BIVM: variants seen among roughly 807,000 people sequenced by gnomAD.
The protein encoded by BIVM is basic, immunoglobulin-like variable motif containing, also known as basic immunoglobulin-like variable motif-containing protein.
BIVM carries 31 observed loss-of-function variants against 61.4 expected under a neutral mutation model. That is an observed-to-expected ratio of 0.51 (90% CI 0.38 to 0.68). The LOEUF (loss-of-function observed/expected upper bound fraction) is 0.68. Among genes scored for constraint, BIVM ranks in the 30% least tolerant of loss-of-function variants. The pLI is 0.00. For missense variants in BIVM, 526 were observed against 596.0 expected, an observed-to-expected ratio of 0.88 and a Z score of 1.22; for synonymous variants, 189 against 210.7, an observed-to-expected ratio of 0.90 and a Z score of 0.89.
At chr13:102,834,905 G>A (rs980788237) in intron 9 of BIVM, among the ~76,000 whole-genome samples, 2 of 152,078 alleles carry the variant, frequency 1.3e-5, no homozygotes, top group African/African-American at 2.4e-5. Flanking sequence ...TTTTTTTATT[G>A]CTGAGTAGTA....
chr13:102,811,035 A>C (rs931690467), intron 3 of BIVM, among the ~76,000 whole-genome samples: 1 of 152,220 alleles, frequency 6.6e-6, no homozygotes, highest in African/African-American at 2.4e-5. Flanking sequence ...CTGGCCTACT[A>C]CTAGCTTTTA....
chr13:102,826,292 T>C (rs888518514), intron 7 of BIVM, among the ~76,000 whole-genome samples: 1 of 152,220 alleles, frequency 6.6e-6, no homozygotes, highest in Non-Finnish European at 1.5e-5. Flanking sequence ...GTGCTAGATC[T>C]GCCCTGCTTT....
Position 102,834,570 on chromosome 13 carries a change from T to A in BIVM, c.1121+18T>A. 2 of 1,562,670 alleles carry A rather than the reference T, an allele frequency of 1.3e-6. No individual in the cohort carries two copies. The highest frequency in any genetic ancestry group is 1.7e-6 in the Non-Finnish European group (2 of 1,161,882). Reference sequence around the variant, plus strand: ...TGTAAAAAGTATGTTAACTTCCCTTTATTTTCTTTAATTGAGGTAACATTT... The same window carrying A: ...TGTAAAAAGTATGTTAACTTCCCTTAATTTTCTTTAATTGAGGTAACATTT... On this transcript the variant is annotated intron_variant, in intron 9 of 10. Coordinates refer to ENST00000257336, the MANE Select transcript of BIVM (RefSeq NM_017693.4).
rs199598039 is a variant in BIVM, at chr13:102,807,608, C to G, written c.341C>G (p.Thr114Ser). 6.7e-5 allele frequency: 108 copies of G among 1,614,056 alleles called. No individual in the cohort carries two copies. The highest frequency in any genetic ancestry group is 2.4e-4 in the South Asian group (22 of 91,092). ...NNSSRYIGIP[T>S]STSEIIYNEE... ...TCATCAAGATACATTGGTATCCCGACTAGTACATCGGAAATTATCTACAAT... is the reference window on the plus strand; with the variant it reads ...TCATCAAGATACATTGGTATCCCGAGTAGTACATCGGAAATTATCTACAAT... Residue 114 changes from threonine (T) to serine (S), a missense_variant, in exon 3 of 11, where the codon ACT becomes AGT. Transcript: ENST00000257336. The surrounding 1 kb of genome is among the most constrained non-coding windows in gnomAD (Gnocchi z 4.0).
At chr13:102,810,493 G>GTAA (rs1879423891) in intron 3 of BIVM, among the ~76,000 whole-genome samples, 1 of 152,198 alleles carries the variant, frequency 6.6e-6, no homozygotes, top group South Asian at 2.1e-4. Context: ...TACATTTGAA[G>GTAA]TAATCACTGA....
At chr13:102,838,066 A>C (rs919506323) in intron 9 of BIVM, among the ~76,000 whole-genome samples, 4 of 152,218 alleles carry the variant, frequency 2.6e-5, no homozygotes, top group Non-Finnish European at 5.9e-5. Flanking sequence ...CTTAAAAAAG[A>C]TATTGCAATA....
In BIVM at chr13:102,821,743, C is replaced by A. The variant is rs377757672; in HGVS notation, c.702C>A (p.Asn234Lys). Reference protein sequence around the residue: ...NFLYSTMGAGNLPPITQEEAL... With the variant: ...NFLYSTMGAGKLPPITQEEAL... ...AAGGCAATGAATGTTTCTTTTGTAG[C>A]CTTCCACCTATTACCCAAGAAGAAG... Residue 234 changes from asparagine to lysine, a missense_variant and splice_region_variant, in exon 6 of 11, where the codon AAC becomes AAA. Physicochemically the swap from Asn to Lys is moderately conservative, Grantham distance 94. Transcript: ENST00000257336. The A allele has an allele frequency of 1.2e-4, 194 of 1,611,990 alleles. No individual in the cohort carries two copies. Among genetic ancestry groups the A allele is most frequent in the Non-Finnish European group, 1.5e-4 (175 of 1,179,454 alleles).
chr13:102,835,647 C>T (rs7329037), intron 9 of BIVM, among the ~76,000 whole-genome samples: 56,388 of 152,048 alleles, frequency 0.37, 11,649 homozygotes, highest in Non-Finnish European at 0.48. Context: ...ATTCTCCTGC[C>T]GTAGCCTCCT....
chr13:102,818,809 G>C (rs1333966184), intron 4 of BIVM, among the ~76,000 whole-genome samples: 1 of 152,152 alleles, frequency 6.6e-6, no homozygotes, highest in Non-Finnish European at 1.5e-5. Flanking sequence ...TGATGAAAAA[G>C]TATGAAAAAT....
chr13:102,810,007 T>C (rs913331006), intron 3 of BIVM, among the ~76,000 whole-genome samples: 1 of 152,120 alleles, frequency 6.6e-6, no homozygotes, highest in Admixed American at 6.5e-5. Flanking sequence ...CCTCCTGACC[T>C]CGTGATCCGC....
intron 10 of BIVM, 74 bp from the exon 11 acceptor site, chr13:102,839,498 A>C (rs1346137790): frequency 6.5e-7 from 1 of 1,545,074 alleles, no homozygotes; most frequent in East Asian, 2.2e-5. Context: ...GAAAGAAGGG[A>C]GTTCATAGGG....
intron 1 of BIVM, among the ~76,000 whole-genome samples, chr13:102,801,155 C>T (rs142247440): frequency 6.6e-6 from 1 of 152,122 alleles, no homozygotes; most frequent in African/African-American, 2.4e-5. Flanking sequence ...GCTTTGCATA[C>T]GAGCAAACCA....
intron 3 of BIVM, among the ~76,000 whole-genome samples, chr13:102,812,936 C>T (rs1227051550): frequency 6.6e-6 from 1 of 152,158 alleles, no homozygotes; most frequent in Non-Finnish European, 1.5e-5. Context: ...TTTTGCCCAC[C>T]ATGGTTCCCA....
chr13:102,804,399 C>T (rs940228571), intron 1 of BIVM, among the ~76,000 whole-genome samples: 2 of 152,214 alleles, frequency 1.3e-5, no homozygotes, highest in African/African-American at 2.4e-5. Context: ...CAACCTCCAC[C>T]TCCTGGGTTC....
chr13:102,807,027 A>G lies in BIVM; in HGVS notation c.-122-119A>G. 2.5e-6 allele frequency: 1 copy of G among 395,918 alleles called. No homozygotes were observed. Among genetic ancestry groups the G allele is most frequent in the Non-Finnish European group, 4.5e-6 (1 of 223,548 alleles). 24.5% of individuals were successfully genotyped at this position (395,918 alleles called of 1,614,324 possible). A position where few individuals can be genotyped will look rare whatever the true frequency, so the allele number is the denominator to read the frequency against. Reference sequence around the variant, plus strand: ...AGATAGTGATTGTGACTCCAGTCATATAGTAGTTGTAAAATTAATATAGAA... The same window carrying G: ...AGATAGTGATTGTGACTCCAGTCATGTAGTAGTTGTAAAATTAATATAGAA... On this transcript the variant is annotated intron_variant, in intron 2 of 10. Coordinates refer to ENST00000257336, the MANE Select transcript of BIVM (RefSeq NM_017693.4). This position sits in a 1 kb window ranked among gnomAD's most constrained non-coding sequence, Gnocchi z 4.0.
At position 102,808,230 on chromosome 13, in the gene BIVM, G is replaced by T. The variant is rs80191036; in HGVS notation, c.478+485G>T. 6.1e-3 allele frequency among the ~76,000 whole-genome samples: 924 copies of T among 152,292 alleles called. 15 individuals are homozygous for T. Among genetic ancestry groups the T allele is most frequent in the African/African-American group, 0.021 (876 of 41,562 alleles). ...GGTTGTGTACTGCTCAATTTAAGAG[G>T]ATGCTGTTTACCGAGGTTGTGCATA... On this transcript the variant is annotated intron_variant, in intron 3 of 10. Coordinates refer to ENST00000257336, the MANE Select transcript of BIVM (RefSeq NM_017693.4).
At chr13:102,809,871 C>T (rs1053629957) in intron 3 of BIVM, among the ~76,000 whole-genome samples, 20 of 151,436 alleles carry the variant, frequency 1.3e-4, no homozygotes, top group Admixed American at 4.6e-4. Flanking sequence ...CTGCAAGCTC[C>T]GCCTCCCGGG....
At chr13:102,824,031 C>T (rs34977312) in intron 7 of BIVM, among the ~76,000 whole-genome samples, 8,807 of 152,282 alleles carry the variant, frequency 0.058, 361 homozygotes, top group Middle Eastern at 0.12. Context: ...TTTACTTCCA[C>T]AGGATGTGCC....
intron 10 of BIVM, 152 bp from the exon 11 acceptor site, chr13:102,839,420 T>C (rs1881691726): frequency 2.9e-6 from 3 of 1,044,914 alleles, no homozygotes; most frequent in African/African-American, 1.6e-5. Context: ...TTAGAAAAGG[T>C]GCAGGATGAG....
Sources: gnomAD v4.1 joint callset for allele counts (sites outside exome capture counted in the v4.1 genomes callset) on GRCh38, gnomAD v4.1.1 for gene constraint, Gnocchi (gnomAD v3.1) non-coding constraint, MANE v1.5 for transcripts, NCBI Gene and HGNC (gene_info 2026-07-23, HGNC 2026-07-21) for gene names.